The following WIPI2 variants were observed in gnomAD, a reference collection of about 807,000 sequenced individuals.
The protein encoded by WIPI2 is WD repeat domain, phosphoinositide interacting 2.
A neutral mutation model predicts 52.3 loss-of-function variants in WIPI2; 28 were observed. The observed-to-expected ratio is 0.54, with a 90% CI of 0.40 to 0.73. The LOEUF (loss-of-function observed/expected upper bound fraction) is 0.73, where lower values mean the gene tolerates loss of function less well. WIPI2 is among the 30% of genes least tolerant of loss of function. The pLI, the probability that WIPI2 is intolerant of heterozygous loss-of-function variation, is 0.00. For missense variants in WIPI2, 506 were observed against 602.9 expected, an observed-to-expected ratio of 0.84 and a Z score of 1.68; for synonymous variants, 268 against 245.0, an observed-to-expected ratio of 1.09 and a Z score of -0.88.
At chr7:5,206,731 C>T (rs924284208) in intron 3 of WIPI2, among the ~76,000 whole-genome samples, 1 of 152,114 alleles carries the variant, frequency 6.6e-6, no homozygotes, top group Non-Finnish European at 1.5e-5. Context: ...TATACTTGTC[C>T]TAACACACAC....
At chr7:5,214,290 C>T (rs746802957) in intron 3 of WIPI2, 31 of 1,498,320 alleles carry the variant, frequency 2.1e-5, no homozygotes, top group Non-Finnish European at 2.8e-5. Flanking sequence ...TGAAAGGAAC[C>T]TTTGTCTTTC....
In WIPI2 at chr7:5,216,529, C is replaced by T. The variant is rs1206030895; in HGVS notation, c.382-34C>T. 1.9e-6 allele frequency: 3 copies of T among 1,594,888 alleles called. No homozygotes were observed. The South Asian group carries it at 3.3e-5, about 18-fold the overall frequency. The stretch of plus-strand genomic sequence containing the variant: ...GGGGCAGGTATTGCACTGGCCGTTG[C>T]TTCACGTTTGGTTTCGTTTTGTCTC... On this transcript the variant is annotated intron_variant, in intron 4 of 12. Coordinates refer to ENST00000288828, the MANE Select transcript of WIPI2 (RefSeq NM_015610.4).
intron 4 of WIPI2, among the ~76,000 whole-genome samples, chr7:5,215,200 A>G (rs879844432): frequency 7.9e-5 from 12 of 152,172 alleles, no homozygotes; most frequent in Non-Finnish European, 1.6e-4. Context: ...AATCCCGGCT[A>G]CTCGGGAGGC....
At chr7:5,212,604 G>A (rs1160433227) in intron 3 of WIPI2, among the ~76,000 whole-genome samples, 1 of 152,156 alleles carries the variant, frequency 6.6e-6, no homozygotes, top group Non-Finnish European at 1.5e-5. Flanking sequence ...CGTGATCACC[G>A]CTCATTGCAG....
chr7:5,214,296 C>A, intron 3 of WIPI2: 1 of 1,512,332 alleles, frequency 6.6e-7, no homozygotes, highest in Non-Finnish European at 8.8e-7. Flanking sequence ...GAACCTTTGT[C>A]TTTCGTGTGA....
At chr7:5,212,680 G>T (rs769008576) in intron 3 of WIPI2, among the ~76,000 whole-genome samples, 4 of 152,176 alleles carry the variant, frequency 2.6e-5, no homozygotes, top group Non-Finnish European at 5.9e-5. Context: ...ACCACGCCCA[G>T]CTAATTTTTG....
At chr7:5,201,510 A>G (rs1782024981) in intron 3 of WIPI2, among the ~76,000 whole-genome samples, 1 of 152,228 alleles carries the variant, frequency 6.6e-6, no homozygotes, top group South Asian at 2.1e-4. Flanking sequence ...TTGTAAGGCC[A>G]GGACAGGCAG....
At chr7:5,217,224 T>C in intron 6 of WIPI2, 37 bp downstream of exon 6, 1 of 1,609,784 alleles carries the variant, frequency 6.2e-7, no homozygotes, top group Non-Finnish European at 8.5e-7. Flanking sequence ...CTCTCTAAAG[T>C]GTGGCTTTTT....
At chr7:5,218,153 A>G (rs1332295284) in intron 7 of WIPI2, 139 bp downstream of exon 7, 3 of 838,384 alleles carry the variant, frequency 3.6e-6, no homozygotes, top group Non-Finnish European at 5.8e-6. Flanking sequence ...CCCACTTGTC[A>G]GGCCACAGGC....
rs373739823 is a variant in WIPI2 at position 5,204,324 on chromosome 7, G to A, written c.211+4666G>A. Among the ~76,000 whole-genome samples, 9 of 152,194 alleles carry A rather than the reference G, an allele frequency of 5.9e-5. No individual in the cohort carries two copies. The South Asian group carries it at 1.5e-3, about 25-fold the overall frequency. On this transcript the variant is annotated intron_variant, in intron 3 of 12. Coordinates refer to ENST00000288828, the MANE Select transcript of WIPI2 (RefSeq NM_015610.4). ...TCTACTAAAAATATAAAAATTAGCC[G>A]GACATGGTGGCGCGCTCCTGTAATC...
chr7:5,191,692 G>A (rs1762497381), intron 1 of WIPI2, among the ~76,000 whole-genome samples: 1 of 152,186 alleles, frequency 6.6e-6, no homozygotes, highest in African/African-American at 2.4e-5. Flanking sequence ...AAGAGAAGGA[G>A]TGGGGCATTT....
chr7:5,199,528 A>G (rs766268246), intron 2 of WIPI2, 48 bp from the exon 3 acceptor site: 3 of 1,542,144 alleles, frequency 1.9e-6, no homozygotes, highest in South Asian at 1.2e-5. Flanking sequence ...CTACATTGTC[A>G]CTGTCTGCAC....
At chr7:5,201,829 C>G (rs1197764803) in intron 3 of WIPI2, among the ~76,000 whole-genome samples, 1 of 152,194 alleles carries the variant, frequency 6.6e-6, no homozygotes, top group Non-Finnish European at 1.5e-5. Flanking sequence ...TCTTAGTGAA[C>G]TTTGGCCCTT....
rs2115280519 is a variant in WIPI2, at chr7:5,217,139, A to C, written c.528A>C (p.Pro176=). The change falls in exon 6 of 13, where the codon CCA becomes CCC. Residue 176 remains proline, a synonymous_variant. Transcript: ENST00000288828. ...ACGACAACTGCTACTTGGCGTACCCAGGGAGCGCGACCATCGGAGAGGTGC... is the reference window on the plus strand; with the variant it reads ...ACGACAACTGCTACTTGGCGTACCCCGGGAGCGCGACCATCGGAGAGGTGC... ...INNDNCYLAY[P]GSATIGEVQV... The C allele has an allele frequency of 1.2e-6, 2 of 1,614,076 alleles. No individual in the cohort carries two copies. The highest frequency in any genetic ancestry group is 1.7e-6 in the Non-Finnish European group (2 of 1,179,992).
chr7:5,194,106 G>A (rs537512395), intron 2 of WIPI2, among the ~76,000 whole-genome samples: 22 of 152,266 alleles, frequency 1.4e-4, no homozygotes, highest in Admixed American at 1.1e-3. Context: ...TGGGTTCTGG[G>A]TGAATGTGAT....
At chr7:5,204,693 T>G (rs1013817401) in intron 3 of WIPI2, among the ~76,000 whole-genome samples, 1 of 151,592 alleles carries the variant, frequency 6.6e-6, no homozygotes, top group Admixed American at 6.6e-5. Context: ...CTACTACTAC[T>G]GCGTTTTTTT....
Position 5,217,885 on chromosome 7 carries a change from G to A in WIPI2, c.577-37G>A, listed in dbSNP as rs1260703979. 3 of 1,609,732 alleles carry A rather than the reference G, an allele frequency of 1.9e-6. No individual in the cohort carries two copies. The East Asian group carries it at 6.7e-5, about 36-fold the overall frequency. On this transcript the variant is annotated intron_variant, in intron 6 of 12. Transcript: ENST00000288828. ...CAGCCCTGGGGCGTGGGCGGTCACT[G>A]TGCGGTGGCCACTCTTTATTGGTGT...
chr7:5,199,216 T>A, intron 2 of WIPI2, among the ~76,000 whole-genome samples: 1 of 152,114 alleles, frequency 6.6e-6, no homozygotes, highest in South Asian at 2.1e-4. Flanking sequence ...TTTTTAATGT[T>A]ATTTTTGTAG....
intron 3 of WIPI2, among the ~76,000 whole-genome samples, chr7:5,200,883 C>T (rs1251433056): frequency 2.0e-5 from 3 of 152,186 alleles, no homozygotes; most frequent in Non-Finnish European, 4.4e-5. Context: ...GAGAGTGGGG[C>T]AGCAGAATTT....
Sources: allele counts gnomAD v4.1 joint callset (sites outside exome capture counted in the v4.1 genomes callset), GRCh38; gene constraint gnomAD v4.1.1; transcripts MANE v1.5; gene names NCBI Gene and HGNC (gene_info 2026-07-23, HGNC 2026-07-21).